GLB1: variants seen among roughly 807,000 people sequenced by gnomAD.
GLB1 encodes beta-galactosidase.
In GLB1, 56 loss-of-function variants were observed where a neutral mutation model predicts 74.0. That is an observed-to-expected ratio of 0.76 (90% CI 0.61 to 0.94). The LOEUF (loss-of-function observed/expected upper bound fraction) is 0.94. Among genes scored for constraint, GLB1 ranks in the 40% least tolerant of loss-of-function variants. The pLI is 0.00. For missense variants in GLB1, 787 were observed against 845.5 expected (o/e 0.93, Z 0.86); for synonymous variants, 323 against 323.6 (o/e 1.00, Z 0.02).
At chr3:33,051,704 T>C in intron 9 of GLB1, 54 bp downstream of exon 9, 1 of 1,613,400 alleles carries the variant, frequency 6.2e-7, no homozygotes. Context: ...CTCCTCAAAT[T>C]AATCAACAGA....
At chr3:33,096,987 C>T in intron 1 of GLB1, 24 bp downstream of exon 1, 1 of 1,609,758 alleles carries the variant, frequency 6.2e-7, no homozygotes, top group Non-Finnish European at 8.5e-7. Flanking sequence ...AATGCCTCCC[C>T]GTACCCGGGT....
At chr3:32,987,936 G>A in the GLB1 span, among the ~76,000 whole-genome samples, 1 of 152,050 alleles carries the variant, frequency 6.6e-6, no homozygotes, top group Non-Finnish European at 1.5e-5. Context: ...TGTAATCCCA[G>A]GATTTTGGGA....
intron 15 of GLB1, among the ~76,000 whole-genome samples, chr3:33,000,988 T>C (rs925017700): frequency 6.6e-6 from 1 of 152,150 alleles, no homozygotes; most frequent in Admixed American, 6.5e-5. Context: ...AAAGTGAAAA[T>C]AGGATTCTTT....
chr3:33,093,418 C>A lies in GLB1; in HGVS notation c.75+3593G>T. ...TGTGAATGAAGCTGGCCCAGAGGAG[C>A]GACAGCCGTCCGCAGGACCGAGGCT... On this transcript the variant is annotated intron_variant, in intron 1 of 15. Transcript: ENST00000307363. This position sits in a 1 kb window ranked among gnomAD's most constrained non-coding sequence, Gnocchi z 6.0. 6.2e-7 allele frequency: 1 copy of A among 1,614,114 alleles called. No individual in the cohort carries two copies. Among genetic ancestry groups the A allele is most frequent in the Non-Finnish European group, 8.5e-7 (1 of 1,180,016 alleles).
chr3:33,017,866 CT>C (rs1697298169), intron 13 of GLB1, among the ~76,000 whole-genome samples: 2 of 152,246 alleles, frequency 1.3e-5, no homozygotes, highest in East Asian at 3.9e-4. Context: ...ACCCCGAAGG[CT>C]TCTGAGAGGG....
At chr3:33,021,437 A>C in intron 12 of GLB1, 129 bp downstream of exon 12, 1 of 993,976 alleles carries the variant, frequency 1.0e-6, no homozygotes, top group Non-Finnish European at 1.5e-6. Context: ...TTCATGGTTC[A>C]TTTACCTGGG....
chr3:33,080,423 G>A (rs1364167488), intron 1 of GLB1, among the ~76,000 whole-genome samples: 1 of 152,032 alleles, frequency 6.6e-6, no homozygotes, highest in Non-Finnish European at 1.5e-5. Flanking sequence ...GTAGCTCTGT[G>A]AATGGTCTTG....
Position 33,093,591 on chromosome 3 carries a change from G to A in GLB1, c.75+3420C>T, listed in dbSNP as rs971843262. On this transcript the variant is annotated intron_variant, in intron 1 of 15. Transcript: ENST00000307363. The surrounding 1 kb of genome is among the most constrained non-coding windows in gnomAD (Gnocchi z 6.0). ...CACGATCTTGAGGTTGTTCATTGAG[G>A]CAGGCAGCTGATGGATGGGCACCTC... is the stretch of plus-strand genomic sequence containing the variant. The A allele has an allele frequency of 4.3e-6, 7 of 1,614,040 alleles. No homozygotes were observed. The highest frequency in any genetic ancestry group is 1.1e-5 in the South Asian group (1 of 91,082).
chr3:33,024,896 T>C (rs1377308419), intron 10 of GLB1, among the ~76,000 whole-genome samples: 1 of 151,518 alleles, frequency 6.6e-6, no homozygotes, highest in Non-Finnish European at 1.5e-5. Context: ...ATGAAGCATG[T>C]AGAGTAAAAT....
Position 33,091,091 on chromosome 3 carries a change from T to C in GLB1, c.75+5920A>G, listed in dbSNP as rs538204327. 1.9e-5 allele frequency: 19 copies of C among 985,254 alleles called. No individual in the cohort carries two copies. In the South Asian group the frequency reaches 4.2e-4, roughly 22 times the overall value. The allele number at this position is 985,254 out of a possible 1,614,324, so 61.0% of individuals were successfully genotyped here. A position where few individuals can be genotyped will look rare whatever the true frequency, so the allele number is the denominator to read the frequency against. On this transcript the variant is annotated intron_variant, in intron 1 of 15. Coordinates refer to ENST00000307363, the MANE Select transcript of GLB1 (RefSeq NM_000404.4). ...AAATGGCACCATCTAGCCCACCTGG[T>C]GAAATCCAAAGCGAGAACTTAAAGG... is the stretch of plus-strand genomic sequence containing the variant.
intron 5 of GLB1, among the ~76,000 whole-genome samples, chr3:33,064,782 A>AAAAAAC (rs1699605087): frequency 6.6e-6 from 1 of 150,478 alleles, no homozygotes; most frequent in African/African-American, 2.5e-5. Context: ...CTCTCAAAAA[A>AAAAAAC]AAAAAAAAAA....
intron 15 of GLB1, among the ~76,000 whole-genome samples, chr3:33,004,994 C>A (rs1049798475): frequency 6.6e-6 from 1 of 152,160 alleles, no homozygotes; most frequent in African/African-American, 2.4e-5. Flanking sequence ...AGGACTGCAA[C>A]ATAGAAGCTG....
chr3:33,039,544 G>C (rs990544098), intron 10 of GLB1, among the ~76,000 whole-genome samples: 7 of 152,122 alleles, frequency 4.6e-5, no homozygotes, highest in African/African-American at 1.7e-4. Flanking sequence ...TAATAAACTA[G>C]AAGATAGGTC....
the GLB1 span, among the ~76,000 whole-genome samples, chr3:32,980,716 G>A: frequency 5.3e-5 from 8 of 152,092 alleles, no homozygotes; most frequent in Non-Finnish European, 8.8e-5. Flanking sequence ...AGGAGGTGGA[G>A]GTTGCAGTGA....
intron 13 of GLB1, among the ~76,000 whole-genome samples, chr3:33,017,161 G>A (rs980845439): frequency 4.6e-5 from 7 of 152,156 alleles, no homozygotes; most frequent in African/African-American, 1.7e-4. Flanking sequence ...TAGAGTAGCT[G>A]CTTCGTGTTC....
chr3:33,055,460 C>CT (rs55687940), intron 6 of GLB1, among the ~76,000 whole-genome samples: 6 of 102,246 alleles, frequency 5.9e-5, no homozygotes, highest in African/African-American at 1.4e-4. Context: ...GTTTTCTTTT[C>CT]TTTTTTTTTT....
intron 15 of GLB1, among the ~76,000 whole-genome samples, chr3:33,002,324 T>TCTCCCTCCCCCC (rs1696605024): frequency 1.2e-5 from 1 of 83,166 alleles, no homozygotes; most frequent in South Asian, 5.6e-4. Flanking sequence ...AAAACAAAAG[T>TCTCCCTCCCCCC]CTCCCTCCCT....
intron 10 of GLB1, chr3:33,033,933 A>G (rs1021810696): frequency 3.6e-6 from 2 of 551,400 alleles, no homozygotes; most frequent in Middle Eastern, 4.8e-4. Context: ...ATGGACTACT[A>G]TGGCACCCGC....
At chr3:33,028,465 TC>T (rs2125486195) in intron 10 of GLB1, among the ~76,000 whole-genome samples, 1 of 152,266 alleles carries the variant, frequency 6.6e-6, no homozygotes, top group East Asian at 1.9e-4. Context: ...CTATGTCGCC[TC>T]TTTTTTCTCG....
Sources: gnomAD v4.1 joint callset for allele counts (sites outside exome capture counted in the v4.1 genomes callset) on GRCh38, gnomAD v4.1.1 for gene constraint, Gnocchi (gnomAD v3.1) non-coding constraint, MANE v1.5 for transcripts, NCBI Gene and HGNC (gene_info 2026-07-23, HGNC 2026-07-21) for gene names.